Variants in SLC4A4 observed in about 807,000 individuals in gnomAD.
The protein encoded by SLC4A4 is electrogenic sodium bicarbonate cotransporter 1.
Under a neutral mutation model 111.5 loss-of-function variants are expected in SLC4A4, and 27 were observed. The ratio of observed to expected loss-of-function variants is 0.24; its 90% CI spans 0.18 to 0.33. The LOEUF (loss-of-function observed/expected upper bound fraction) is 0.33. Among genes scored for constraint, SLC4A4 ranks in the 10% least tolerant of loss-of-function variants. SLC4A4 has a pLI of 1.00. For synonymous variants in SLC4A4, 443 were observed against 463.4 expected (o/e 0.96, Z 0.57); for missense variants, 909 against 1,315.5 (o/e 0.69, Z 4.78).
At chr4:71,179,021 T>G (rs1359418964) in intron 2 of SLC4A4, among the ~76,000 whole-genome samples, 5 of 152,222 alleles carry the variant, frequency 3.3e-5, no homozygotes, top group African/African-American at 4.8e-5. Flanking sequence ...CAAGTGGGCT[T>G]CATCCCTGGG....
intron 15 of SLC4A4, among the ~76,000 whole-genome samples, chr4:71,491,392 G>GA (rs1037998904): frequency 7.2e-5 from 11 of 151,848 alleles, no homozygotes; most frequent in African/African-American, 2.7e-4. Flanking sequence ...TAACGTTGAT[G>GA]AAAAAAAGAG....
chr4:71,491,546 G>A (rs1729913062), intron 15 of SLC4A4, among the ~76,000 whole-genome samples: 1 of 151,790 alleles, frequency 6.6e-6, no homozygotes, highest in Non-Finnish European at 1.5e-5. Flanking sequence ...TTCCCAGTTA[G>A]ACTGAGTGTG....
At chr4:71,103,141 C>T (rs934750383) in intron 2 of SLC4A4, among the ~76,000 whole-genome samples, 4 of 151,720 alleles carry the variant, frequency 2.6e-5, no homozygotes, top group African/African-American at 9.7e-5. Context: ...ATAAAACAGA[C>T]TTTAAACCAA....
At chr4:71,311,260 C>A (rs961422613) in intron 3 of SLC4A4, among the ~76,000 whole-genome samples, 6 of 152,078 alleles carry the variant, frequency 3.9e-5, no homozygotes, top group African/African-American at 1.4e-4. Flanking sequence ...CTTTAACACC[C>A]CACTGTCAAT....
At chr4:71,304,175 T>C (rs1725497613) in intron 3 of SLC4A4, among the ~76,000 whole-genome samples, 1 of 152,180 alleles carries the variant, frequency 6.6e-6, no homozygotes, top group African/African-American at 2.4e-5. Context: ...AGAGGGTATA[T>C]GGAGATATAC....
At chr4:71,170,237 C>T (rs976732062) in intron 2 of SLC4A4, among the ~76,000 whole-genome samples, 2 of 152,186 alleles carry the variant, frequency 1.3e-5, no homozygotes, top group Non-Finnish European at 2.9e-5. Flanking sequence ...CCTCTCTTAT[C>T]AACTAGAAGT....
chr4:71,437,010 A>G, intron 7 of SLC4A4: 1 of 362,754 alleles, frequency 2.8e-6, no homozygotes, highest in South Asian at 2.2e-5. Flanking sequence ...CTGTTAAATC[A>G]GCTACAGATA....
chr4:71,416,973 G>A (rs916723334), intron 7 of SLC4A4, among the ~76,000 whole-genome samples: 1 of 152,096 alleles, frequency 6.6e-6, no homozygotes, highest in Non-Finnish European at 1.5e-5. Flanking sequence ...TTTGGAACTC[G>A]TAAAGGCCCT....
intron 6 of SLC4A4, among the ~76,000 whole-genome samples, chr4:71,387,769 A>C (rs946419950): frequency 4.6e-5 from 7 of 152,206 alleles, no homozygotes; most frequent in Non-Finnish European, 8.8e-5. Flanking sequence ...CTGGGATTAC[A>C]AGTGTGAGCC....
intron 2 of SLC4A4, among the ~76,000 whole-genome samples, chr4:71,241,886 T>C (rs2579361): frequency 0.92 from 139,425 of 152,284 alleles, 64,605 homozygotes; most frequent in East Asian, 0.99. Context: ...TTTCCCAGCT[T>C]CCTGCTCCTT....
intron 24 of SLC4A4, among the ~76,000 whole-genome samples, chr4:71,564,529 T>A (rs1408619068): frequency 6.6e-6 from 1 of 151,908 alleles, no homozygotes; most frequent in Non-Finnish European, 1.5e-5. Context: ...GTGACATTTT[T>A]CTCTTCTGTA....
chr4:71,503,955 T>C (rs1731167423), intron 16 of SLC4A4, among the ~76,000 whole-genome samples: 1 of 152,214 alleles, frequency 6.6e-6, no homozygotes, highest in Non-Finnish European at 1.5e-5. Flanking sequence ...TTGGTTTTTG[T>C]TTCCACACTT....
At chr4:71,563,647 AAAAGATG>A in intron 23 of SLC4A4, 139 bp from the exon 24 acceptor site, 1 of 670,334 alleles carries the variant, frequency 1.5e-6, no homozygotes, top group South Asian at 1.7e-5. Flanking sequence ...GAATGCAGTT[AAAAGATG>A]GCAAACTGGA....
intron 5 of SLC4A4, among the ~76,000 whole-genome samples, chr4:71,350,747 A>G (rs1284396996): frequency 1.3e-5 from 2 of 152,190 alleles, no homozygotes; most frequent in African/African-American, 2.4e-5. Context: ...GTCTACAGAT[A>G]TACAAAGAAA....
intron 23 of SLC4A4, 142 bp downstream of exon 23, chr4:71,560,396 C>T: frequency 1.1e-6 from 1 of 876,208 alleles, no homozygotes; most frequent in East Asian, 2.8e-5. Flanking sequence ...CATTTCACCT[C>T]CCTTTGCCCT....
At chr4:71,263,512 A>T (rs1722021309) in intron 3 of SLC4A4, among the ~76,000 whole-genome samples, 1 of 152,190 alleles carries the variant, frequency 6.6e-6, no homozygotes, top group African/African-American at 2.4e-5. Context: ...ATGCCCAGAA[A>T]TTACCCATTA....
At chr4:71,459,172 G>A (rs1014630216) in intron 12 of SLC4A4, among the ~76,000 whole-genome samples, 6 of 152,096 alleles carry the variant, frequency 3.9e-5, no homozygotes, top group African/African-American at 1.2e-4. Flanking sequence ...TTATTTGAAA[G>A]ACCTTTGTCA....
At chr4:71,147,374 T>A (rs1744203868) in intron 2 of SLC4A4, among the ~76,000 whole-genome samples, 1 of 152,252 alleles carries the variant, frequency 6.6e-6, no homozygotes, top group South Asian at 2.1e-4. Context: ...TCTGCCTTTT[T>A]CCCAACTCTC....
intron 1 of SLC4A4, among the ~76,000 whole-genome samples, chr4:71,210,761 ATT>A (rs1221384119): frequency 1.3e-5 from 2 of 152,088 alleles, no homozygotes; most frequent in Non-Finnish European, 2.9e-5. Flanking sequence ...ATGTTTATAT[ATT>A]TTTCTACCTC....
Sources: allele counts gnomAD v4.1 joint callset (sites outside exome capture counted in the v4.1 genomes callset), GRCh38; gene constraint gnomAD v4.1.1; transcripts MANE v1.5; gene names NCBI Gene and HGNC (gene_info 2026-07-23, HGNC 2026-07-21).